The following TENM3 variants were observed in gnomAD, a reference collection of about 807,000 sequenced individuals.
TENM3 encodes the protein teneurin transmembrane protein 3, also known as teneurin-3.
TENM3 carries 63 observed loss-of-function variants against 255.1 expected under a neutral mutation model. The observed-to-expected ratio is 0.25, with a 90% CI of 0.20 to 0.30. TENM3 has a LOEUF of 0.30. TENM3 is among the 10% of genes least tolerant of loss of function. TENM3 has a pLI of 1.00. For synonymous variants in TENM3, 1,306 were observed against 1,322.3 expected (o/e 0.99, Z 0.27); for missense variants, 2,929 against 3,461.1 (o/e 0.85, Z 3.86).
At chr4:181,654,877 A>T in the TENM3 span, among the ~76,000 whole-genome samples, 1 of 152,224 alleles carries the variant, frequency 6.6e-6, no homozygotes, top group Non-Finnish European at 1.5e-5. Context: ...CATTGTTAAC[A>T]GGCCCCTTCC....
At chr4:182,086,907 A>AT in the TENM3 span, among the ~76,000 whole-genome samples, 2 of 152,154 alleles carry the variant, frequency 1.3e-5, no homozygotes, top group Admixed American at 6.5e-5. Context: ...CTCACTGAGT[A>AT]TTTTTTGAAC....
intron 1 of TENM3, among the ~76,000 whole-genome samples, chr4:182,310,656 A>T (rs758660399): frequency 6.3e-5 from 9 of 141,860 alleles, no homozygotes; most frequent in Non-Finnish European, 9.2e-5. Flanking sequence ...CTTTGTCTCC[A>T]TGTGGGGGAA....
chr4:182,231,354 C>T (rs1756566251), intron 1 of TENM3, among the ~76,000 whole-genome samples: 2 of 151,904 alleles, frequency 1.3e-5, no homozygotes, highest in Non-Finnish European at 2.9e-5. Context: ...TTAGATAACC[C>T]CAGGAGAACA....
At chr4:182,787,657 C>A (rs981859312) in intron 24 of TENM3, among the ~76,000 whole-genome samples, 10 of 150,510 alleles carry the variant, frequency 6.6e-5, no homozygotes, top group African/African-American at 2.2e-4. Context: ...TGGCTTGAAC[C>A]CCGGGAGGCG....
At chr4:181,516,277 TG>T in the TENM3 span, among the ~76,000 whole-genome samples, 1 of 151,112 alleles carries the variant, frequency 6.6e-6, no homozygotes, top group Non-Finnish European at 1.5e-5. Flanking sequence ...ACATAGGTGA[TG>T]GGTTGATAGG....
At chr4:182,323,599 CTT>C (rs572866744) in intron 1 of TENM3, among the ~76,000 whole-genome samples, 30 of 152,206 alleles carry the variant, frequency 2.0e-4, no homozygotes, top group African/African-American at 6.0e-4. Context: ...GCCATTCTAA[CTT>C]TTCCATTGTG....
intron 3 of TENM3, among the ~76,000 whole-genome samples, chr4:182,446,617 G>A (rs956238219): frequency 4.0e-5 from 6 of 151,422 alleles, no homozygotes; most frequent in African/African-American, 1.5e-4. Context: ...AAGCCCCCAG[G>A]TCCTAGCACT....
At chr4:182,172,793 A>G (rs1475693760) in intron 1 of TENM3, among the ~76,000 whole-genome samples, 1 of 152,342 alleles carries the variant, frequency 6.6e-6, no homozygotes, top group South Asian at 2.1e-4. Context: ...CCACCCAGAA[A>G]CATTTACCAG....
chr4:181,657,175 G>A, the TENM3 span, among the ~76,000 whole-genome samples: 6 of 152,288 alleles, frequency 3.9e-5, no homozygotes, highest in African/African-American at 9.6e-5. Context: ...TTTGCTTCTC[G>A]CAGCATTATG....
chr4:182,075,168 T>G, the TENM3 span, among the ~76,000 whole-genome samples: 4 of 151,828 alleles, frequency 2.6e-5, no homozygotes, highest in African/African-American at 9.7e-5. Flanking sequence ...AATCTAGATT[T>G]GTATGTAAAA....
intron 3 of TENM3, among the ~76,000 whole-genome samples, chr4:182,516,936 C>T (rs972727360): frequency 1.3e-5 from 2 of 150,012 alleles, no homozygotes; most frequent in African/African-American, 4.9e-5. Context: ...ATGAAAAAAA[C>T]CAGAGAGTTG....
At chr4:181,448,154 A>ATTTTTTTTTT in the TENM3 span, among the ~76,000 whole-genome samples, 10 of 90,064 alleles carry the variant, frequency 1.1e-4, no homozygotes, top group African/African-American at 4.3e-4. Context: ...AAATCCAGTA[A>ATTTTTTTTTT]TTTTTTTTTT....
At chr4:182,197,571 G>T (rs1753906103) in intron 1 of TENM3, among the ~76,000 whole-genome samples, 1 of 152,140 alleles carries the variant, frequency 6.6e-6, no homozygotes, top group South Asian at 2.1e-4. Context: ...ATAATAAGTT[G>T]CAGCTCAACA....
chr4:181,639,482 G>A, the TENM3 span, among the ~76,000 whole-genome samples: 897 of 152,244 alleles, frequency 5.9e-3, 12 homozygotes, highest in African/African-American at 0.02. Flanking sequence ...GCTCACGCCT[G>A]TAATCCCAGC....
intron 1 of TENM3, among the ~76,000 whole-genome samples, chr4:182,316,170 A>T (rs2150449298): frequency 6.6e-6 from 1 of 152,232 alleles, no homozygotes. Flanking sequence ...ATATTTTTAT[A>T]TTTCTGTAAT....
Position 182,793,277 on chromosome 4 carries a change from C to T in TENM3, c.6605C>T (p.Thr2202Met), listed in dbSNP as rs146065963. 1.2e-4 allele frequency: 201 copies of T among 1,613,790 alleles called. No individual in the cohort carries two copies. Among genetic ancestry groups the T allele is most frequent in the Admixed American group, 1.8e-4 (11 of 60,000 alleles). The change falls in exon 26 of 28, where the codon ACG (threonine) becomes ATG (methionine). Residue 2202 changes from threonine to methionine, a missense_variant. Physicochemically the swap from Thr to Met is moderately conservative, Grantham distance 81. Around this residue, in one of 6 missense-constraint regions of TENM3, gnomAD observed 256 missense variants for 389.3 expected, o/e 0.66. Coordinates refer to ENST00000511685, the MANE Select transcript of TENM3 (RefSeq NM_001080477.4). This position sits in a 1 kb window ranked among gnomAD's most constrained non-coding sequence, Gnocchi z 5.7. Reference protein sequence around the residue: ...DEDGFLRQRGTEIFEYSSKGL... With the variant: ...DEDGFLRQRGMEIFEYSSKGL... ...GATGGTTTCCTACGTCAAAGGGGCA[C>T]GGAAATCTTTGAATATAGCTCCAAG...
chr4:182,767,369 GTTA>G (rs1484303341), intron 22 of TENM3, among the ~76,000 whole-genome samples: 2 of 152,172 alleles, frequency 1.3e-5, no homozygotes, highest in African/African-American at 4.8e-5. Context: ...TCATGACGGG[GTTA>G]GTAGTTGTGT....
At chr4:182,666,303 GA>G (rs1754674273) in intron 6 of TENM3, among the ~76,000 whole-genome samples, 1 of 152,244 alleles carries the variant, frequency 6.6e-6, no homozygotes, top group South Asian at 2.1e-4. Flanking sequence ...CAAGGTTTGA[GA>G]GGGTTGACTC....
At chr4:181,756,577 G>T in the TENM3 span, among the ~76,000 whole-genome samples, 10 of 152,310 alleles carry the variant, frequency 6.6e-5, no homozygotes, top group South Asian at 2.1e-3. Context: ...GGTTTTTAGA[G>T]CTTTCTTGCC....
Sources: allele counts gnomAD v4.1 joint callset (sites outside exome capture counted in the v4.1 genomes callset), GRCh38; gene constraint gnomAD v4.1.1; regional missense constraint gnomAD v4.1.1; non-coding constraint Gnocchi (gnomAD v3.1); transcripts MANE v1.5; gene names NCBI Gene and HGNC (gene_info 2026-07-23, HGNC 2026-07-21).